The following CEP85 variants were observed in gnomAD, a reference collection of about 807,000 sequenced individuals.
CEP85 encodes the protein centrosomal protein 85, also known as centrosomal protein of 85 kDa.
A neutral mutation model predicts 93.7 loss-of-function variants in CEP85; 58 were observed. The ratio of observed to expected loss-of-function variants is 0.62; its 90% CI spans 0.50 to 0.77. CEP85 has a LOEUF of 0.77. Among genes scored for constraint, CEP85 ranks in the 30% least tolerant of loss-of-function variants. The pLI is 0.00. For synonymous variants in CEP85, 314 were observed against 338.6 expected (o/e 0.93, Z 0.80); for missense variants, 868 against 922.0 (o/e 0.94, Z 0.76).
chr1:26,244,130 G>T, intron 2 of CEP85, 36 bp from the exon 3 acceptor site: 4 of 1,602,658 alleles, frequency 2.5e-6, no homozygotes, highest in Non-Finnish European at 3.4e-6. Context: ...ACATCAGCTG[G>T]TTCACAGTAA....
At chr1:26,269,364 G>T (rs2124605677) in intron 8 of CEP85, 96 bp from the exon 9 acceptor site, 1 of 1,250,420 alleles carries the variant, frequency 8.0e-7, no homozygotes, top group South Asian at 1.3e-5. Flanking sequence ...ATTAAATATA[G>T]GTTTGAGTGC....
chr1:26,269,782 CTTTTT>C (rs748230113), intron 9 of CEP85, among the ~76,000 whole-genome samples, 168 bp downstream of exon 9: 1 of 84,710 alleles, frequency 1.2e-5, no homozygotes, highest in Non-Finnish European at 2.2e-5. Flanking sequence ...TGGGAAGCGG[CTTTTT>C]TTTTTTTTTT....
chr1:26,251,380 A>G (rs1237454768), intron 3 of CEP85, among the ~76,000 whole-genome samples: 2 of 151,302 alleles, frequency 1.3e-5, no homozygotes, highest in Non-Finnish European at 2.9e-5. Flanking sequence ...GCCTCCTGAG[A>G]AGCTGGGACT....
rs1402970793 is a variant in CEP85, at chr1:26,258,333, G to A, written c.1155+73G>A. 3.2e-6 allele frequency: 3 copies of A among 934,440 alleles called. No homozygotes were observed. In the Admixed American group the frequency reaches 5.6e-5, roughly 18 times the overall value. The allele number at this position is 934,440 out of a possible 1,614,324, so 57.9% of individuals were successfully genotyped here. On this transcript the variant is annotated intron_variant, in intron 6 of 13. Coordinates refer to ENST00000451429, the MANE Select transcript of CEP85 (RefSeq NM_001319944.2). Reference sequence around the variant, plus strand: ...TCTTCCCTATGCTTGACACCATTAGGTATCCAGGAGATAGAAAAGAGCTCA... The same window carrying A: ...TCTTCCCTATGCTTGACACCATTAGATATCCAGGAGATAGAAAAGAGCTCA...
In CEP85 at chr1:26,255,810, T is replaced by A; in HGVS notation, c.848T>A (p.Leu283His). Reference protein sequence around the residue: ...TWHPREQSCELSTCRQQLELI... With the variant: ...TWHPREQSCEHSTCRQQLELI... ...CATCCCCGAGAGCAATCTTGTGAAC[T>A]CAGCACTTGTCGGCAGCAGCTGGAA... Residue 283 changes from leucine (L) to histidine (H), a missense_variant, in exon 4 of 14, where the codon CTC becomes CAC. Transcript: ENST00000451429. 6.2e-7 allele frequency: 1 copy of A among 1,613,618 alleles called. No homozygotes were observed. Among genetic ancestry groups the A allele is most frequent in the Non-Finnish European group, 8.5e-7 (1 of 1,179,682 alleles).
rs373475884 is a variant in CEP85, at chr1:26,255,220, C to T, written c.258C>T (p.His86=). The T allele has an allele frequency of 2.5e-4, 407 of 1,614,184 alleles. No individual in the cohort carries two copies. Among genetic ancestry groups the T allele is most frequent in the Non-Finnish European group, 3.2e-4 (376 of 1,180,030 alleles). Residue 86 remains histidine (H), a synonymous_variant, in exon 4 of 14, where the codon CAC becomes CAT. Coordinates refer to ENST00000451429, the MANE Select transcript of CEP85 (RefSeq NM_001319944.2). The part of the protein sequence containing the change: ...GSPPFQPIKS[H]VTIPTAHVMP... The stretch of plus-strand genomic sequence containing the variant: ...CTCCTTTCCAGCCCATCAAAAGCCA[C>T]GTAACCATTCCAACAGCCCATGTGA...
chr1:26,240,822 C>T (rs544591963), intron 2 of CEP85, among the ~76,000 whole-genome samples: 31 of 151,428 alleles, frequency 2.0e-4, no homozygotes, highest in Admixed American at 5.9e-4. Flanking sequence ...CACTTGAACA[C>T]GGGAAGCAGA....
intron 7 of CEP85, among the ~76,000 whole-genome samples, chr1:26,265,316 A>G (rs972583272): frequency 4.0e-5 from 6 of 151,666 alleles, no homozygotes; most frequent in African/African-American, 1.5e-4. Flanking sequence ...ATAGAGTTTT[A>G]CCATTTTGGT....
intron 1 of CEP85, among the ~76,000 whole-genome samples, chr1:26,234,894 A>G (rs1345256454): frequency 6.6e-6 from 1 of 152,154 alleles, no homozygotes; most frequent in Non-Finnish European, 1.5e-5. Context: ...GTCTGGAAAC[A>G]CTTTTGATAG....
intron 11 of CEP85, 131 bp downstream of exon 11, chr1:26,272,202 T>G (rs1268043978): frequency 3.5e-6 from 3 of 863,528 alleles, no homozygotes; most frequent in Non-Finnish European, 5.6e-6. Flanking sequence ...TGAGACCCAG[T>G]CAGTGCTTTT....
intron 11 of CEP85, among the ~76,000 whole-genome samples, chr1:26,274,098 G>T (rs2090018796): frequency 6.6e-6 from 1 of 151,560 alleles, no homozygotes; most frequent in African/African-American, 2.4e-5. Context: ...TTCAAAATTT[G>T]AGGAAAAATT....
At chr1:26,242,903 A>T (rs190927496) in intron 2 of CEP85, among the ~76,000 whole-genome samples, 19 of 152,332 alleles carry the variant, frequency 1.2e-4, no homozygotes, top group African/African-American at 4.3e-4. Flanking sequence ...TAGTGAATCA[A>T]GTATTTATTG....
At chr1:26,262,502 A>G (rs921832504) in intron 7 of CEP85, among the ~76,000 whole-genome samples, 2 of 150,698 alleles carry the variant, frequency 1.3e-5, no homozygotes, top group African/African-American at 4.9e-5. Flanking sequence ...AAACAAAACA[A>G]AAAAAGGCGG....
At chr1:26,268,931 G>A (rs553189548) in intron 8 of CEP85, among the ~76,000 whole-genome samples, 30 of 152,028 alleles carry the variant, frequency 2.0e-4, no homozygotes, top group African/African-American at 4.8e-4. Context: ...GGTTCTCTTC[G>A]CCCTCTTGCT....
chr1:26,248,297 T>A (rs1031807349), intron 3 of CEP85, among the ~76,000 whole-genome samples: 17 of 152,216 alleles, frequency 1.1e-4, no homozygotes, highest in Admixed American at 2.6e-4. Context: ...TAGATATTTT[T>A]AAAATCAATC....
In CEP85 at chr1:26,276,592, C is replaced by T. The variant is rs772262341; in HGVS notation, c.1960C>T (p.Arg654Cys). 56 of 1,614,086 alleles carry T rather than the reference C, an allele frequency of 3.5e-5. No individual in the cohort carries two copies. The highest frequency in any genetic ancestry group is 4.3e-5 in the Non-Finnish European group (51 of 1,180,032). The part of the protein sequence containing the change: ...EKNLTLQEHL[R>C]QAQPGSPPSP... ...GAATCTGACACTCCAGGAACACCTG[C>T]GCCAGGCCCAACCAGGGTCTCCACC... The change falls in exon 13 of 14, where the codon CGC becomes TGC. Residue 654 changes from arginine (R) to cysteine (C), a missense_variant. Physicochemically the swap from Arg to Cys is radical, Grantham distance 180. Transcript: ENST00000451429.
At chr1:26,261,414 A>G (rs1236799484) in intron 7 of CEP85, among the ~76,000 whole-genome samples, 1 of 151,992 alleles carries the variant, frequency 6.6e-6, no homozygotes, top group Non-Finnish European at 1.5e-5. Flanking sequence ...GGAAGTTGCA[A>G]TGAGGCAAGA....
At chr1:26,238,123 A>T (rs987554083) in intron 1 of CEP85, among the ~76,000 whole-genome samples, 8 of 150,480 alleles carry the variant, frequency 5.3e-5, no homozygotes, top group African/African-American at 2.0e-4. Flanking sequence ...GAGGTCACTA[A>T]AGTACATTAG....
At chr1:26,238,311 C>T (rs1193163579) in intron 1 of CEP85, among the ~76,000 whole-genome samples, 1 of 149,430 alleles carries the variant, frequency 6.7e-6, no homozygotes, top group Admixed American at 6.8e-5. Flanking sequence ...AGCGATTCTC[C>T]TGCCTCAGCC....
Sources: gnomAD v4.1 joint callset for allele counts (sites outside exome capture counted in the v4.1 genomes callset) on GRCh38, gnomAD v4.1.1 for gene constraint, MANE v1.5 for transcripts, NCBI Gene and HGNC (gene_info 2026-07-23, HGNC 2026-07-21) for gene names.